The following CPE variants were observed in gnomAD, a reference collection of about 807,000 sequenced individuals.
The protein encoded by CPE is carboxypeptidase E.
In CPE, 17 loss-of-function variants were observed where a neutral mutation model predicts 53.5. That is an observed-to-expected ratio of 0.32 (90% CI 0.22 to 0.48). CPE has a LOEUF of 0.48. Ranked by LOEUF, CPE falls within the 20% of genes least tolerant of loss-of-function variation. The pLI is 0.99. For synonymous variants in CPE, 226 were observed against 228.8 expected (o/e 0.99, Z 0.11); for missense variants, 524 against 614.7 (o/e 0.85, Z 1.56).
chr4:165,380,504 C>T (rs941494648), intron 1 of CPE, among the ~76,000 whole-genome samples: 3 of 152,076 alleles, frequency 2.0e-5, no homozygotes, highest in African/African-American at 7.2e-5. Flanking sequence ...ATAATTTGGG[C>T]CTGGTCTTCT....
At chr4:165,491,725 G>A (rs1055125914) in intron 6 of CPE, among the ~76,000 whole-genome samples, 8 of 151,964 alleles carry the variant, frequency 5.3e-5, no homozygotes, top group Admixed American at 2.6e-4. Flanking sequence ...GGGTGTGAGA[G>A]TTTTCTTTTT....
At chr4:165,411,424 C>G (rs1485130331) in intron 1 of CPE, among the ~76,000 whole-genome samples, 1 of 152,184 alleles carries the variant, frequency 6.6e-6, no homozygotes, top group Non-Finnish European at 1.5e-5. Flanking sequence ...TTCCACAGAG[C>G]TCACAGTTAC....
rs774981303 is a variant in CPE at position 165,495,608 on chromosome 4, T to G, written c.1263T>G (p.Leu421=). 6.2e-7 allele frequency: 1 copy of G among 1,614,052 alleles called. No homozygotes were observed. The highest frequency in any genetic ancestry group is 8.5e-7 in the Non-Finnish European group (1 of 1,179,974). ...TGCTTATACCTGGAAACTATAAACT[T>G]ACAGCCTCAGCTCCAGGCTATCTGG... is the stretch of plus-strand genomic sequence containing the variant. ...WRLLIPGNYK[L]TASAPGYLAI... Residue 421 remains leucine, a synonymous_variant, in exon 8 of 9, where the codon CTT becomes CTG. Coordinates refer to ENST00000402744, the MANE Select transcript of CPE (RefSeq NM_001873.4).
Position 165,379,348 on chromosome 4 carries a change from C to G in CPE, c.127C>G (p.Leu43Val), listed in dbSNP as rs2126648299. Residue 43 changes from leucine to valine, a missense_variant, in exon 1 of 9, where the codon CTG becomes GTG. Physicochemically the swap from Leu to Val is conservative, Grantham distance 32 (BLOSUM62 1). Transcript: ENST00000402744. This position sits in a 1 kb window ranked among gnomAD's most constrained non-coding sequence, Gnocchi z 6.0. ...PAAGMRRRRRLQQEDGISFEY... is the reference protein window; with the variant it reads ...PAAGMRRRRRVQQEDGISFEY... ...GGCGGGCATGAGGCGGCGCCGGCGG[C>G]TGCAGCAAGAGGACGGCATCTCCTT... The G allele has an allele frequency of 6.3e-7, 1 of 1,589,772 alleles. No homozygotes were observed. The highest frequency in any genetic ancestry group is 8.5e-7 in the Non-Finnish European group (1 of 1,171,768).
intron 1 of CPE, among the ~76,000 whole-genome samples, chr4:165,436,813 T>C (rs1294856446): frequency 6.6e-6 from 1 of 152,028 alleles, no homozygotes; most frequent in Non-Finnish European, 1.5e-5. Flanking sequence ...TGAAGAAAAA[T>C]AGTTTTAAAA....
In CPE at chr4:165,491,730, CT is replaced by C. The variant is rs1013132739; in HGVS notation, c.1114-1432del. 2.3e-4 allele frequency among the ~76,000 whole-genome samples: 34 copies of C among 150,894 alleles called. No homozygotes were observed. In the Middle Eastern group the frequency reaches 0.021, roughly 92 times the overall value. ...TATTTTTATAGGGTGTGAGAGTTTTCTTTTTTTTTAAGAAAAATGGCACACA... is the reference window on the plus strand; with the variant it reads ...TATTTTTATAGGGTGTGAGAGTTTTCTTTTTTTTAAGAAAAATGGCACACA... On this transcript the variant is annotated intron_variant, in intron 6 of 8. Transcript: ENST00000402744.
Position 165,487,555 on chromosome 4 carries a change from C to A in CPE, c.1091C>A (p.Ser364Tyr), listed in dbSNP as rs1473038019. ...LKTYWEDNKN[S>Y]LISYLEQIHR... ...ACCTACTGGGAGGATAACAAAAACT[C>A]CCTCATTAGCTACCTTGAGCAGGTA... Residue 364 changes from serine (S) to tyrosine (Y), a missense_variant, in exon 6 of 9, where the codon TCC (serine) becomes TAC (tyrosine). By Grantham distance (144) the Ser-to-Tyr change is moderately radical (BLOSUM62 -2). Transcript: ENST00000402744. The A allele has an allele frequency of 6.2e-7, 1 of 1,614,052 alleles. No homozygotes were observed. Among genetic ancestry groups the A allele is most frequent in the South Asian group, 1.1e-5 (1 of 91,072 alleles).
intron 6 of CPE, among the ~76,000 whole-genome samples, chr4:165,490,161 G>C (rs1732575076): frequency 6.6e-6 from 1 of 152,186 alleles, no homozygotes; most frequent in African/African-American, 2.4e-5. Flanking sequence ...AGGTGATTAG[G>C]AGATCTATTT....
At chr4:165,448,181 T>C (rs1731748698) in intron 1 of CPE, among the ~76,000 whole-genome samples, 1 of 152,028 alleles carries the variant, frequency 6.6e-6, no homozygotes, top group Non-Finnish European at 1.5e-5. Context: ...TATAGAGGGG[T>C]AGAGAGAGGA....
chr4:165,484,422 G>GTAGTGCTCA lies in CPE; in HGVS notation c.792_800dup (p.Ser265_His267dup). On this transcript the variant is annotated inframe_insertion and splice_region_variant, in exon 5 of 9. Coordinates refer to ENST00000402744, the MANE Select transcript of CPE (RefSeq NM_001873.4). Reference sequence around the variant, plus strand: ...TTAATCTTGTGGATTTGTTTTCTAGGTAGTGCTCACGAATACAGCTCCTCC... The same window carrying GTAGTGCTCA: ...TTAATCTTGTGGATTTGTTTTCTAGGTAGTGCTCATAGTGCTCACGAATACAGCTCCTCC... 6.2e-7 allele frequency: 1 copy of GTAGTGCTCA among 1,613,242 alleles called. No homozygotes were observed. Among genetic ancestry groups the GTAGTGCTCA allele is most frequent in the Non-Finnish European group, 8.5e-7 (1 of 1,179,484 alleles).
At chr4:165,422,507 C>T (rs6832627) in intron 1 of CPE, among the ~76,000 whole-genome samples, 44,927 of 151,926 alleles carry the variant, frequency 0.3, 6,730 homozygotes, top group Middle Eastern at 0.39. Flanking sequence ...ATTGCTATTG[C>T]AAACCAGAGT....
At chr4:165,459,969 G>A (rs754761136) in intron 1 of CPE, among the ~76,000 whole-genome samples, 5 of 146,470 alleles carry the variant, frequency 3.4e-5, no homozygotes, top group Non-Finnish European at 7.5e-5. Flanking sequence ...GTAAGATGAT[G>A]TAAAAACAAC....
intron 1 of CPE, among the ~76,000 whole-genome samples, chr4:165,435,892 A>C (rs76831411): frequency 5.9e-5 from 9 of 152,286 alleles, no homozygotes; most frequent in Non-Finnish European, 4.4e-5. Context: ...CTTCTGGCTA[A>C]ATACAGTAGT....
rs573823544 is a variant in CPE, at chr4:165,394,929, A to G, written c.307+15401A>G. On this transcript the variant is annotated intron_variant, in intron 1 of 8. Coordinates refer to ENST00000402744, the MANE Select transcript of CPE (RefSeq NM_001873.4). The stretch of plus-strand genomic sequence containing the variant: ...CCTTTATTAAAAAGAAGAAATATAT[A>G]AAGGAACTATATCTGGAATGAAGAG... Among the ~76,000 whole-genome samples, 113 of 152,334 alleles carry G rather than the reference A, an allele frequency of 7.4e-4. 2 individuals are homozygous for G. Among genetic ancestry groups the G allele is most frequent in the Middle Eastern group, 6.8e-3 (2 of 292 alleles).
chr4:165,493,332 A>G, intron 7 of CPE, 62 bp downstream of exon 7: 1 of 1,153,744 alleles, frequency 8.7e-7, no homozygotes, highest in Non-Finnish European at 1.3e-6. Flanking sequence ...ACTAATTATC[A>G]TAATTATAAG....
intron 1 of CPE, chr4:165,404,810 T>A: frequency 1.3e-6 from 1 of 770,078 alleles, no homozygotes; most frequent in Non-Finnish European, 2.4e-6. Context: ...TTTGGAAGTC[T>A]TCTTGGTTGT....
At chr4:165,497,076 C>T (rs1011877346) in intron 8 of CPE, among the ~76,000 whole-genome samples, 4 of 152,112 alleles carry the variant, frequency 2.6e-5, no homozygotes, top group East Asian at 1.9e-4. Context: ...CGTGCGCCAC[C>T]GTGCCCGGCT....
chr4:165,466,624 T>G (rs10005507), intron 2 of CPE, among the ~76,000 whole-genome samples: 2 of 151,934 alleles, frequency 1.3e-5, no homozygotes, highest in Non-Finnish European at 2.9e-5. Flanking sequence ...TCAAGCTATT[T>G]TCCTGCCTCA....
intron 1 of CPE, among the ~76,000 whole-genome samples, chr4:165,402,598 C>T (rs1730886912): frequency 6.6e-6 from 1 of 152,194 alleles, no homozygotes; most frequent in African/African-American, 2.4e-5. Flanking sequence ...CTCCCTTTCT[C>T]TCCATGTGAC....
Sources: allele counts gnomAD v4.1 joint callset (sites outside exome capture counted in the v4.1 genomes callset), GRCh38; gene constraint gnomAD v4.1.1; non-coding constraint Gnocchi (gnomAD v3.1); transcripts MANE v1.5; gene names NCBI Gene and HGNC (gene_info 2026-07-23, HGNC 2026-07-21).